The following TEX15 variants were observed in gnomAD, a reference collection of about 807,000 sequenced individuals.
TEX15 encodes the protein testis-expressed protein 15.
TEX15 carries 171 observed loss-of-function variants against 237.3 expected under a neutral mutation model. The observed-to-expected ratio is 0.72, with a 90% CI of 0.64 to 0.82. The LOEUF is 0.82. Among genes scored for constraint, TEX15 ranks in the 40% least tolerant of loss-of-function variants. The pLI is 0.00. For synonymous variants in TEX15, 1,338 were observed against 1,269.8 expected, an observed-to-expected ratio of 1.05 and a Z score of -1.14; for missense variants, 3,750 against 3,646.5, an observed-to-expected ratio of 1.03 and a Z score of -0.73.
At position 30,847,843 on chromosome 8, in the gene TEX15, T is replaced by C. The variant is rs776657743; in HGVS notation, c.2324A>G (p.Lys775Arg). The C allele has an allele frequency of 6.2e-7, 1 of 1,613,946 alleles. No individual in the cohort carries two copies. Among genetic ancestry groups the C allele is most frequent in the Non-Finnish European group, 8.5e-7 (1 of 1,179,964 alleles). The stretch of plus-strand genomic sequence containing the variant: ...AATAACTGTATCAATGAACATTTCT[T>C]TGGCCTGGGGTATGTCTTTTGGTTT... Reference protein sequence around the residue: ...FPKPKDIPQAKEMFIDTVISS... With the variant: ...FPKPKDIPQAREMFIDTVISS... Residue 775 changes from lysine (K) to arginine (R), a missense_variant, in exon 8 of 11, where the codon AAA becomes AGA. Lys to Arg is a conservative substitution (Grantham distance 26). Coordinates refer to ENST00000643185, the MANE Select transcript of TEX15 (RefSeq NM_001350162.2).
chr8:30,891,257 T>G (rs775936216), intron 2 of TEX15, among the ~76,000 whole-genome samples: 3 of 152,276 alleles, frequency 2.0e-5, no homozygotes, highest in Admixed American at 1.3e-4. Flanking sequence ...TTTTTGATCC[T>G]CATGCCTCAG....
chr8:30,866,629 T>C (rs1808172880), intron 5 of TEX15, among the ~76,000 whole-genome samples: 1 of 152,090 alleles, frequency 6.6e-6, no homozygotes, highest in Admixed American at 6.6e-5. Context: ...ATACTTCTTA[T>C]TCCAGAGACA....
intron 3 of TEX15, among the ~76,000 whole-genome samples, chr8:30,885,339 G>A (rs1808623745): frequency 6.6e-6 from 1 of 151,980 alleles, no homozygotes; most frequent in Non-Finnish European, 1.5e-5. Context: ...ATAGTGAATG[G>A]GTCTCATGAG....
rs779893155 is a variant in TEX15, at chr8:30,844,798, T to C, written c.5369A>G (p.Asn1790Ser). 1.2e-6 allele frequency: 2 copies of C among 1,613,526 alleles called. No homozygotes were observed. The highest frequency in any genetic ancestry group is 1.7e-5 in the Admixed American group (1 of 59,992). ...TDGNETNVTE[N>S]YELDVASGTE... Reference sequence around the variant, plus strand: ...TCCTGATGCTACATCCAACTCATAATTCTCAGTGACATTTGTTTCATTCCC... The same window carrying C: ...TCCTGATGCTACATCCAACTCATAACTCTCAGTGACATTTGTTTCATTCCC... The change falls in exon 8 of 11, where the codon AAT becomes AGT. Residue 1790 changes from asparagine to serine, a missense_variant. Coordinates refer to ENST00000643185, the MANE Select transcript of TEX15 (RefSeq NM_001350162.2).
chr8:30,900,500 T>C (rs12544327), intron 1 of TEX15, among the ~76,000 whole-genome samples: 9,312 of 152,322 alleles, frequency 0.061, 524 homozygotes, highest in Admixed American at 0.19. Context: ...TTTCTATGTC[T>C]ACTGTAATTA....
At chr8:30,838,382 G>A (rs921162821) in intron 9 of TEX15, among the ~76,000 whole-genome samples, 5 of 152,030 alleles carry the variant, frequency 3.3e-5, no homozygotes, top group African/African-American at 4.8e-5. Flanking sequence ...GTTCAGTATA[G>A]TTTTTTAATT....
At chr8:30,875,345 A>C (rs559534248) in intron 3 of TEX15, among the ~76,000 whole-genome samples, 52 of 152,354 alleles carry the variant, frequency 3.4e-4, no homozygotes, top group African/African-American at 1.2e-3. Flanking sequence ...AAGTTGACAC[A>C]TACAGATATG....
chr8:30,844,143 A>C lies in TEX15; in HGVS notation c.6024T>G (p.Asp2008Glu). ...GTAGAATCTGCAAAGATGATGCTTC[A>C]TCTGCCCTCTGCAAAATTTGAGATA... Reference protein sequence around the residue: ...ANLSQILQRADEASSLQILQE... With the variant: ...ANLSQILQRAEEASSLQILQE... The change falls in exon 8 of 11, where the codon GAT becomes GAG. Residue 2008 changes from aspartate (D) to glutamate (E), a missense_variant. By Grantham distance (45) the Asp-to-Glu change is conservative. Coordinates refer to ENST00000643185, the MANE Select transcript of TEX15 (RefSeq NM_001350162.2). 6.2e-7 allele frequency: 1 copy of C among 1,613,296 alleles called. No individual in the cohort carries two copies. The highest frequency in any genetic ancestry group is 2.2e-5 in the East Asian group (1 of 44,872).
intron 7 of TEX15, among the ~76,000 whole-genome samples, chr8:30,858,313 CTTTTT>C (rs869053902): frequency 1.4e-5 from 2 of 143,662 alleles, no homozygotes; most frequent in East Asian, 2.0e-4. Context: ...TTATCTTTTT[CTTTTT>C]TTTTTTTTGT....
intron 4 of TEX15, 50 bp downstream of exon 4, chr8:30,874,887 A>T: frequency 8.9e-7 from 1 of 1,118,112 alleles, no homozygotes; most frequent in Non-Finnish European, 1.1e-6. Context: ...AAAACTCCAT[A>T]GTAACAAACA....
intron 1 of TEX15, among the ~76,000 whole-genome samples, chr8:30,909,319 A>T (rs1230691552): frequency 6.6e-6 from 1 of 152,024 alleles, no homozygotes; most frequent in Non-Finnish European, 1.5e-5. Flanking sequence ...TTAATTGTCC[A>T]CATGTATTCA....
intron 9 of TEX15, among the ~76,000 whole-genome samples, chr8:30,838,511 C>CTAAT (rs1256693862): frequency 6.6e-6 from 1 of 151,744 alleles, no homozygotes; most frequent in Non-Finnish European, 1.5e-5. Flanking sequence ...TTATAACAGA[C>CTAAT]TAATACGTTT....
In TEX15 at chr8:30,901,064, G is replaced by A. The variant is rs1808996484; in HGVS notation, c.-85-2247C>T. 3.9e-5 allele frequency among the ~76,000 whole-genome samples: 6 copies of A among 152,306 alleles called. No individual in the cohort carries two copies. The South Asian group carries it at 1.2e-3, about 32-fold the overall frequency. ...GAGGTGCGAGGATAACTTGAGCCTAGGAAGTCAAGGCTGCAATGAGCTGTG... is the reference window on the plus strand; with the variant it reads ...GAGGTGCGAGGATAACTTGAGCCTAAGAAGTCAAGGCTGCAATGAGCTGTG... On this transcript the variant is annotated intron_variant, in intron 1 of 10. Transcript: ENST00000643185.
chr8:30,843,794 T>TA lies in TEX15; in HGVS notation c.6372dup (p.Asn2125Ter). ...CTTCCTTGGAAACCAGGATAGAAAT[T>TA]AGACTGCTGTTGAAATCCACGTGGT... On this transcript the variant is annotated frameshift_variant, in exon 8 of 11. Transcript: ENST00000643185. LOFTEE classifies it high-confidence loss of function. The TA allele has an allele frequency of 6.2e-7, 1 of 1,613,518 alleles. No individual in the cohort carries two copies. The highest frequency in any genetic ancestry group is 8.5e-7 in the Non-Finnish European group (1 of 1,179,654).
chr8:30,905,318 G>A (rs151200061), intron 1 of TEX15, among the ~76,000 whole-genome samples: 4 of 151,076 alleles, frequency 2.6e-5, no homozygotes, highest in African/African-American at 4.9e-5. Flanking sequence ...GTCCCCAGGA[G>A]AAATAAACTG....
In TEX15 at chr8:30,904,771, A is replaced by G. The variant is rs75288453; in HGVS notation, c.-85-5954T>C. On this transcript the variant is annotated intron_variant, in intron 1 of 10. Transcript: ENST00000643185. ...TTTCTGTGTTAATTCAAAGAAGTCA[A>G]CAGCTTTATTTTCCACATTTTAGTA... Among the ~76,000 whole-genome samples, 929 of 152,330 alleles carry G rather than the reference A, an allele frequency of 6.1e-3. 11 individuals carry two copies. Among genetic ancestry groups the G allele is most frequent in the African/African-American group, 0.021 (879 of 41,568 alleles).
intron 10 of TEX15, among the ~76,000 whole-genome samples, chr8:30,834,147 T>C (rs1314360633): frequency 6.6e-6 from 1 of 152,164 alleles, no homozygotes; most frequent in Admixed American, 6.6e-5. Flanking sequence ...AGCAGAGTCA[T>C]GGACTTTGTT....
Position 30,886,994 on chromosome 8 carries a change from A to T in TEX15, c.136+173T>A, listed in dbSNP as rs538537900. The T allele has an allele frequency of 1.4e-5, 7 of 503,742 alleles. No individual in the cohort carries two copies. In the South Asian group the frequency reaches 2.9e-4, roughly 21 times the overall value. 31.2% of individuals were successfully genotyped at this position (503,742 alleles called of 1,614,324 possible). A position where few individuals can be genotyped will look rare whatever the true frequency, so the allele number is the denominator to read the frequency against. ...GGTGTACTTAGTGGGAAGGATGCAGAACGTGCATCTATTCTATTTTGAGTG... is the reference window on the plus strand; with the variant it reads ...GGTGTACTTAGTGGGAAGGATGCAGTACGTGCATCTATTCTATTTTGAGTG... On this transcript the variant is annotated intron_variant, in intron 3 of 10. Coordinates refer to ENST00000643185, the MANE Select transcript of TEX15 (RefSeq NM_001350162.2).
At chr8:30,838,355 A>T (rs1181536360) in intron 9 of TEX15, among the ~76,000 whole-genome samples, 7 of 152,216 alleles carry the variant, frequency 4.6e-5, no homozygotes, top group African/African-American at 1.7e-4. Context: ...AAAGTAGAAA[A>T]CTATCACTAG....
Sources: gnomAD v4.1 joint callset for allele counts (sites outside exome capture counted in the v4.1 genomes callset) on GRCh38, gnomAD v4.1.1 for gene constraint, MANE v1.5 for transcripts, NCBI Gene and HGNC (gene_info 2026-07-23, HGNC 2026-07-21) for gene names.